The following LCT variants were observed in gnomAD, a reference collection of about 807,000 sequenced individuals.
The protein encoded by LCT is lactase.
LCT carries 90 observed loss-of-function variants against 173.0 expected under a neutral mutation model. The ratio of observed to expected loss-of-function variants is 0.52; its 90% confidence interval spans 0.44 to 0.62. The LOEUF is 0.62. Ranked by LOEUF, LCT falls within the 20% of genes least tolerant of loss-of-function variation. LCT has a pLI of 0.00. For synonymous variants in LCT, 853 were observed against 957.6 expected (o/e 0.89, Z 2.02); for missense variants, 1,864 against 2,431.4 (o/e 0.77, Z 4.91).
chr2:135,789,526 G>T, intron 16 of LCT, 45 bp downstream of exon 16: 2 of 1,396,298 alleles, frequency 1.4e-6, no homozygotes, highest in Non-Finnish European at 2.0e-6. Context: ...CCTTCCACCT[G>T]CCCTTCACCC....
At chr2:135,791,066 G>A (rs1295878298) in intron 14 of LCT, among the ~76,000 whole-genome samples, 185 bp from the exon 15 acceptor site, 1 of 152,222 alleles carries the variant, frequency 6.6e-6, no homozygotes, top group Non-Finnish European at 1.5e-5. Context: ...CTAGCTGCCT[G>A]CACTCTGTGC....
intron 1 of LCT, among the ~76,000 whole-genome samples, chr2:135,835,552 A>T (rs1357805563): frequency 1.4e-5 from 2 of 144,900 alleles, no homozygotes; most frequent in East Asian, 2.0e-4. Context: ...ATATACAAAT[A>T]TGTATGTATA....
Position 135,822,394 on chromosome 2 carries a change from G to C in LCT, c.908-296C>G, listed in dbSNP as rs1338482864. 3 of 397,754 alleles carry C rather than the reference G, an allele frequency of 7.5e-6. No individual in the cohort carries two copies. In the East Asian group the frequency reaches 1.7e-4, roughly 22 times the overall value. 24.6% of individuals were successfully genotyped at this position (397,754 alleles called of 1,614,324 possible). ...TGTCTGATGCAGTAGGTCTCAAGTA[G>C]GGCTCAAGAATATGCATTTCTAATG... On this transcript the variant is annotated intron_variant, in intron 4 of 16. Transcript: ENST00000264162.
At position 135,821,339 on chromosome 2, in the gene LCT, A is replaced by G. The variant is rs980599478; in HGVS notation, c.986+681T>C. Reference sequence around the variant, plus strand: ...GCAGCAACAGCTGGCTTTCCTGTCTATGCTGTCTCCTTCCAGGGAGGATGT... The same window carrying G: ...GCAGCAACAGCTGGCTTTCCTGTCTGTGCTGTCTCCTTCCAGGGAGGATGT... On this transcript the variant is annotated intron_variant, in intron 5 of 16. Coordinates refer to ENST00000264162, the MANE Select transcript of LCT (RefSeq NM_002299.4). Among the ~76,000 whole-genome samples the G allele has an allele frequency of 3.8e-4, 58 of 152,162 alleles. 1 individual carries two copies. The highest frequency in any genetic ancestry group is 1.4e-3 in the African/African-American group (58 of 41,416).
At chr2:135,808,370 G>A (rs1002406750) in intron 8 of LCT, 73 bp downstream of exon 8, 11 of 1,193,802 alleles carry the variant, frequency 9.2e-6, no homozygotes, top group East Asian at 4.7e-5. Flanking sequence ...AAATCATCCC[G>A]GCAAAACATT....
chr2:135,797,144 C>T (rs531939355), intron 13 of LCT, among the ~76,000 whole-genome samples: 17 of 151,964 alleles, frequency 1.1e-4, no homozygotes, highest in Admixed American at 7.2e-4. Context: ...GACAGGGTTT[C>T]GCCATGTTGG....
At chr2:135,805,390 A>G (rs2105529782) in intron 9 of LCT, among the ~76,000 whole-genome samples, 1 of 152,256 alleles carries the variant, frequency 6.6e-6, no homozygotes, top group East Asian at 1.9e-4. Context: ...GGCTTTCTCT[A>G]CGCATGTGGC....
At position 135,808,444 on chromosome 2, in the gene LCT, T is replaced by G. The variant is rs1237774585; in HGVS notation, c.3903A>C (p.Lys1301Asn). The G allele has an allele frequency of 6.2e-7, 1 of 1,611,190 alleles. No individual in the cohort carries two copies. The change falls in exon 8 of 17, where the codon AAA becomes AAC. Residue 1301 changes from lysine to asparagine, a missense_variant and splice_region_variant. Lys to Asn is a moderately conservative substitution (Grantham distance 94). Coordinates refer to ENST00000264162, the MANE Select transcript of LCT (RefSeq NM_002299.4). ...AAGGGGAACTGAACCCTCACACACC[T>G]TTCAAAGCCTCATTGATGTAGGTTT... is the stretch of plus-strand genomic sequence containing the variant. ...YHKTYINEALKAYRLDGIDLR... is the reference protein window; with the variant it reads ...YHKTYINEALNAYRLDGIDLR...
rs759403093 is a variant in LCT, at chr2:135,800,560, G to C, written c.4866+47C>G. On this transcript the variant is annotated intron_variant, in intron 12 of 16. Coordinates refer to ENST00000264162, the MANE Select transcript of LCT (RefSeq NM_002299.4). ...ACAATCTGTTTCCATTAGGCTGGAA[G>C]GAAAGATGGACAAGAGTAAGAACAA... The C allele has an allele frequency of 2.7e-6, 4 of 1,460,334 alleles. No homozygotes were observed. The African/African-American group carries it at 5.6e-5, about 20-fold the overall frequency. The allele number at this position is 1,460,334 out of a possible 1,614,324, so 90.5% of individuals were successfully genotyped here.
chr2:135,833,051 T>C, intron 2 of LCT, 60 bp downstream of exon 2: 1 of 1,319,440 alleles, frequency 7.6e-7, no homozygotes, highest in East Asian at 2.3e-5. Context: ...CTCTTGTTTT[T>C]AAAAAATTAA....
chr2:135,833,512 T>G (rs1315964583), intron 1 of LCT, among the ~76,000 whole-genome samples: 1 of 144,716 alleles, frequency 6.9e-6, no homozygotes, highest in Non-Finnish European at 1.5e-5. Flanking sequence ...AGTCGTGCCA[T>G]CTCGGCTCAC....
At chr2:135,815,962 A>G (rs1389292355) in intron 6 of LCT, among the ~76,000 whole-genome samples, 1 of 152,064 alleles carries the variant, frequency 6.6e-6, no homozygotes, top group Non-Finnish European at 1.5e-5. Context: ...TGGCCTCCCA[A>G]AGTGCTGGGA....
chr2:135,812,358 G>A lies in LCT; in HGVS notation c.2306C>T (p.Ser769Phe). The stretch of plus-strand genomic sequence containing the variant: ...TTGATTGAAGTAGTCTACTCTTAAG[G>A]AATCATCAAAGAGATTTTCACTTTC... ...IGESENLFDD[S>F]LRVDYFNQYI... The change falls in exon 7 of 17, where the codon TCC (serine) becomes TTC (phenylalanine). Residue 769 changes from serine (S) to phenylalanine (F), a missense_variant. Physicochemically the swap from Ser to Phe is radical, Grantham distance 155. Transcript: ENST00000264162. 6.2e-7 allele frequency: 1 copy of A among 1,613,748 alleles called. No homozygotes were observed. Among genetic ancestry groups the A allele is most frequent in the Non-Finnish European group, 8.5e-7 (1 of 1,179,610 alleles).
At chr2:135,798,576 C>T (rs1030570894) in intron 12 of LCT, among the ~76,000 whole-genome samples, 1 of 152,236 alleles carries the variant, frequency 6.6e-6, no homozygotes, top group Admixed American at 6.5e-5. Context: ...CTGGGGAGGG[C>T]TGAAATGCAA....
intron 3 of LCT, among the ~76,000 whole-genome samples, chr2:135,825,321 G>A (rs2077879554): frequency 6.6e-6 from 1 of 152,204 alleles, no homozygotes; most frequent in Non-Finnish European, 1.5e-5. Flanking sequence ...AGAAGCTCGA[G>A]AGGCCGAGCG....
In LCT at chr2:135,808,750, C is replaced by A; in HGVS notation, c.3597G>T (p.Ala1199=). 6.2e-7 allele frequency: 1 copy of A among 1,614,166 alleles called. No homozygotes were observed. The highest frequency in any genetic ancestry group is 8.5e-7 in the Non-Finnish European group (1 of 1,180,004). ...TGTTGAGGCAGAAGACGTCGGCCGT[C>A]GCCCTGATGAACCTCTTCTCTTCCT... ...FTEEEKRFIR[A]TADVFCLNTY... Residue 1199 remains alanine (A), a synonymous_variant, in exon 8 of 17, where the codon GCG becomes GCT. Coordinates refer to ENST00000264162, the MANE Select transcript of LCT (RefSeq NM_002299.4).
Position 135,787,936 on chromosome 2 carries a change from T to C in LCT, c.*388A>G. 3.8e-6 allele frequency: 1 copy of C among 260,570 alleles called. No individual in the cohort carries two copies. Among genetic ancestry groups the C allele is most frequent in the Non-Finnish European group, 7.5e-6 (1 of 132,764 alleles). The allele number at this position is 260,570 out of a possible 1,614,324, so 16.1% of individuals were successfully genotyped here. A position where few individuals can be genotyped will look rare whatever the true frequency, so the allele number is the denominator to read the frequency against. ...AAGGGCAGGAGATGATATTGCAGTC[T>C]ATGCAATGGAGTTGATTTCTTCTTA... On this transcript the variant is annotated 3_prime_UTR_variant, in exon 17 of 17. Transcript: ENST00000264162.
rs1178247284 is a variant in LCT, at chr2:135,808,584, T to C, written c.3763A>G (p.Arg1255Gly). 6.2e-7 allele frequency: 1 copy of C among 1,614,156 alleles called. No individual in the cohort carries two copies. The highest frequency in any genetic ancestry group is 1.3e-5 in the African/African-American group (1 of 74,960). The change falls in exon 8 of 17, where the codon AGG becomes GGG. Residue 1255 changes from arginine to glycine, a missense_variant. Arg to Gly is a moderately radical substitution (Grantham distance 125, BLOSUM62 -2). Around this residue, in one of 4 missense-constraint regions of LCT, gnomAD observed 755 missense variants for 926.3 expected, o/e 0.82. Coordinates refer to ENST00000264162, the MANE Select transcript of LCT (RefSeq NM_002299.4). ...TCTTCCTTGATCCAGTTCAGCAGCC[T>C]TCGCGTCCCCCAGGGCGCAGCTCTG... ...MNRAAPWGTR[R>G]LLNWIKEEYG...
chr2:135,813,036 G>T, intron 6 of LCT, 80 bp from the exon 7 acceptor site: 1 of 1,265,406 alleles, frequency 7.9e-7, no homozygotes, highest in Non-Finnish European at 1.1e-6. Context: ...CCAATAACAA[G>T]TCAACAACAA....
Sources: allele counts gnomAD v4.1 joint callset (sites outside exome capture counted in the v4.1 genomes callset), GRCh38; gene constraint gnomAD v4.1.1; regional missense constraint gnomAD v4.1.1; transcripts MANE v1.5; gene names NCBI Gene and HGNC (gene_info 2026-07-23, HGNC 2026-07-21).